ERICH1: variants seen among roughly 807,000 people sequenced by gnomAD.
ERICH1 encodes the protein glutamate rich 1.
In ERICH1, 56 loss-of-function variants were observed where a neutral mutation model predicts 39.6. The observed-to-expected ratio is 1.41, with a 90% CI of 1.14 to 1.77. The LOEUF (loss-of-function observed/expected upper bound fraction) is 1.77, where lower values mean the gene tolerates loss of function less well. Ranked by LOEUF, ERICH1 falls within the 40% of genes most tolerant of loss-of-function variation. The pLI is 0.00. For synonymous variants in ERICH1, 313 were observed against 223.6 expected (o/e 1.40, Z -3.57); for missense variants, 826 against 575.4 (o/e 1.44, Z -4.45).
intron 2 of ERICH1, among the ~76,000 whole-genome samples, chr8:699,811 A>G (rs1198604045): frequency 4.0e-4 from 26 of 64,870 alleles, no homozygotes; most frequent in East Asian, 9.1e-4. Context: ...ACGCGCACAG[A>G]TCCGCACAAG....
intron 3 of ERICH1, among the ~76,000 whole-genome samples, chr8:658,513 T>C (rs1800958384): frequency 6.6e-6 from 1 of 152,194 alleles, no homozygotes; most frequent in South Asian, 2.1e-4. Flanking sequence ...GGCACAGTTC[T>C]CTCCTGTTCC....
intron 4 of ERICH1, among the ~76,000 whole-genome samples, chr8:672,445 A>G (rs77997961): frequency 2.1e-4 from 32 of 152,314 alleles, no homozygotes; most frequent in African/African-American, 7.7e-4. Flanking sequence ...TACTTCCCAA[A>G]TTATTACATA....
chr8:702,302 A>G (rs1050214493), intron 2 of ERICH1, among the ~76,000 whole-genome samples: 1 of 152,082 alleles, frequency 6.6e-6, no homozygotes, highest in Non-Finnish European at 1.5e-5. Flanking sequence ...GACTGCAAAC[A>G]CTCTGTATTA....
In ERICH1 at chr8:648,203, C is replaced by A. The variant is rs1446424458; in HGVS notation, c.976+20395G>T. On this transcript the variant is annotated intron_variant, in intron 3 of 3. Transcript: ENST00000522706. Reference sequence around the variant, plus strand: ...TGAATGCGTCCCCTCCCCAGAATGTCAGCCCCTTCACAGTGGGCTTCCCAG... The same window carrying A: ...TGAATGCGTCCCCTCCCCAGAATGTAAGCCCCTTCACAGTGGGCTTCCCAG... Among the ~76,000 whole-genome samples the A allele has an allele frequency of 3.0e-5, 2 of 67,204 alleles. 1 individual carries two copies. The highest frequency in any genetic ancestry group is 9.1e-5 in the Non-Finnish European group (2 of 21,946). The allele number at this position is 67,204 out of a possible 152,430, so 44.1% of individuals were successfully genotyped here.
At chr8:650,295 C>T (rs1015449302) in intron 3 of ERICH1, among the ~76,000 whole-genome samples, 2 of 152,244 alleles carry the variant, frequency 1.3e-5, no homozygotes, top group African/African-American at 4.8e-5. Flanking sequence ...CCCCTGTCCT[C>T]GCTGGGTCTC....
intron 2 of ERICH1, among the ~76,000 whole-genome samples, chr8:703,676 A>C (rs541130441): frequency 2.6e-5 from 4 of 152,346 alleles, no homozygotes; most frequent in South Asian, 2.1e-4. Flanking sequence ...TCTGAGACGC[A>C]GTGACAAAAA....
At chr8:715,801 G>A in intron 2 of ERICH1, 60 bp downstream of exon 2, 1 of 1,558,618 alleles carries the variant, frequency 6.4e-7, no homozygotes, top group Non-Finnish European at 8.7e-7. Flanking sequence ...CAAGGCAAGT[G>A]ATGATGACGG....
chr8:722,978 C>A (rs1385521352), intron 1 of ERICH1, among the ~76,000 whole-genome samples: 1 of 152,232 alleles, frequency 6.6e-6, no homozygotes, highest in Non-Finnish European at 1.5e-5. Context: ...TGTGTCCCCT[C>A]CAAATCCCAT....
intron 3 of ERICH1, among the ~76,000 whole-genome samples, chr8:623,323 T>A (rs1438898595): frequency 6.6e-6 from 1 of 152,146 alleles, no homozygotes; most frequent in African/African-American, 2.4e-5. Context: ...GAAAGAAATT[T>A]GAGGAAACTC....
At chr8:720,092 C>G (rs59941027) in intron 1 of ERICH1, among the ~76,000 whole-genome samples, 20,275 of 152,270 alleles carry the variant, frequency 0.13, 1,661 homozygotes, top group Middle Eastern at 0.24. Flanking sequence ...GTCTTCTGAA[C>G]ACAAAATCTC....
chr8:621,196 G>A (rs1008029543), intron 3 of ERICH1, among the ~76,000 whole-genome samples: 1 of 151,840 alleles, frequency 6.6e-6, no homozygotes, highest in Non-Finnish European at 1.5e-5. Flanking sequence ...AAATTACAAG[G>A]GAAATTAGAA....
intron 3 of ERICH1, among the ~76,000 whole-genome samples, chr8:630,463 CAGA>C (rs1797939146): frequency 1.2e-5 from 1 of 81,728 alleles, no homozygotes; most frequent in African/African-American, 3.7e-5. Flanking sequence ...CGTGAGCACC[CAGA>C]CAGACAGAGC....
chr8:624,559 T>C (rs1797488045), intron 3 of ERICH1, among the ~76,000 whole-genome samples: 1 of 152,128 alleles, frequency 6.6e-6, no homozygotes. Flanking sequence ...TTCAATTGGC[T>C]CACAGTTCTG....
chr8:670,134 T>G (rs558488217), intron 4 of ERICH1, among the ~76,000 whole-genome samples: 2 of 152,208 alleles, frequency 1.3e-5, no homozygotes, highest in Non-Finnish European at 2.9e-5. Context: ...AATTCTCTTT[T>G]ATACCAACTC....
chr8:690,394 G>C (rs1158240303), intron 3 of ERICH1, among the ~76,000 whole-genome samples: 1 of 152,218 alleles, frequency 6.6e-6, no homozygotes, highest in Non-Finnish European at 1.5e-5. Context: ...GGCCCTAATT[G>C]ATATGGTCAG....
intron 1 of ERICH1, among the ~76,000 whole-genome samples, chr8:728,692 G>C (rs560585607): frequency 2.0e-5 from 3 of 152,316 alleles, no homozygotes; most frequent in Non-Finnish European, 2.9e-5. Context: ...TTCATGGTCG[G>C]AGCTGCACAG....
intron 3 of ERICH1, among the ~76,000 whole-genome samples, chr8:636,863 C>G (rs1798479974): frequency 2.0e-5 from 3 of 152,208 alleles, no homozygotes; most frequent in Admixed American, 2.0e-4. Context: ...TGTTGGGAGT[C>G]ACCTTCTGAG....
intron 2 of ERICH1, among the ~76,000 whole-genome samples, chr8:711,340 A>C (rs1216207293): frequency 6.6e-6 from 1 of 152,162 alleles, no homozygotes; most frequent in Non-Finnish European, 1.5e-5. Context: ...AATGATGTCC[A>C]GGTTATCAAC....
At chr8:701,451 C>A (rs1238341335) in intron 2 of ERICH1, among the ~76,000 whole-genome samples, 1 of 152,242 alleles carries the variant, frequency 6.6e-6, no homozygotes, top group Non-Finnish European at 1.5e-5. Context: ...TGGGAACACG[C>A]CGTAGGATGG....
Sources: gnomAD v4.1 joint callset for allele counts (sites outside exome capture counted in the v4.1 genomes callset) on GRCh38, gnomAD v4.1.1 for gene constraint, MANE v1.5 for transcripts, NCBI Gene and HGNC (gene_info 2026-07-23, HGNC 2026-07-21) for gene names.